Variants in SH3RF1 observed in about 807,000 individuals in gnomAD.
The protein encoded by SH3RF1 is E3 ubiquitin-protein ligase SH3RF1.
SH3RF1 carries 32 observed loss-of-function variants against 74.0 expected under a neutral mutation model. That is an observed-to-expected ratio of 0.43 (90% CI 0.33 to 0.58). SH3RF1 has a LOEUF of 0.58. Among genes scored for constraint, SH3RF1 ranks in the 20% least tolerant of loss-of-function variants. SH3RF1 has a pLI of 0.05. For synonymous variants in SH3RF1, 396 were observed against 439.6 expected, an observed-to-expected ratio of 0.90 and a Z score of 1.24; for missense variants, 954 against 1,130.9, an observed-to-expected ratio of 0.84 and a Z score of 2.24.
intron 2 of SH3RF1, among the ~76,000 whole-genome samples, chr4:169,215,414 G>T (rs1394237762): frequency 6.6e-6 from 1 of 152,100 alleles, no homozygotes; most frequent in African/African-American, 2.4e-5. Context: ...TCCTTTTCTT[G>T]TAATGTCTTT....
chr4:169,117,483 C>G (rs766278359), intron 9 of SH3RF1, 40 bp downstream of exon 9: 1 of 1,602,860 alleles, frequency 6.2e-7, no homozygotes, highest in Non-Finnish European at 8.5e-7. Flanking sequence ...GGCAGGTAAG[C>G]CCTTTATCCT....
intron 2 of SH3RF1, among the ~76,000 whole-genome samples, chr4:169,266,509 T>A (rs1310832386): frequency 6.6e-6 from 1 of 152,064 alleles, no homozygotes; most frequent in African/African-American, 2.4e-5. Context: ...TAGAAATGTA[T>A]TGACCTTTCA....
chr4:169,191,963 C>A lies in SH3RF1; in HGVS notation c.394-35284G>T, dbSNP rs534606349. Among the ~76,000 whole-genome samples, 6 of 151,982 alleles carry A rather than the reference C, an allele frequency of 3.9e-5. No homozygotes were observed. The South Asian group carries it at 8.3e-4, about 21-fold the overall frequency. ...CTTGAAGATAACACTGGAAAAAAAA[C>A]CCTTCTAGACATTGGCTTAGGCAAG... On this transcript the variant is annotated intron_variant, in intron 2 of 11. Coordinates refer to ENST00000284637, the MANE Select transcript of SH3RF1 (RefSeq NM_020870.4).
At chr4:169,181,061 C>T (rs1734502327) in intron 2 of SH3RF1, among the ~76,000 whole-genome samples, 1 of 152,074 alleles carries the variant, frequency 6.6e-6, no homozygotes, top group South Asian at 2.1e-4. Flanking sequence ...TAGCCTAACC[C>T]AGACACAGAA....
chr4:169,247,337 G>A lies in SH3RF1; in HGVS notation c.393+21483C>T, dbSNP rs577423740. 6.7e-4 allele frequency among the ~76,000 whole-genome samples: 102 copies of A among 152,342 alleles called. 1 individual carries two copies. Among genetic ancestry groups the A allele is most frequent in the African/African-American group, 2.3e-3 (96 of 41,582 alleles). On this transcript the variant is annotated intron_variant, in intron 2 of 11. Transcript: ENST00000284637. ...TCCCCCAAATAAATATTTACTGAGA[G>A]AGTGAATGGTGGACGGCATCCACAG...
rs1474587903 is a variant in SH3RF1 at position 169,186,900 on chromosome 4, G to A, written c.394-30221C>T. On this transcript the variant is annotated intron_variant, in intron 2 of 11. Transcript: ENST00000284637. ...GTGGTGGCGGGTGACTGTGGTCCCA[G>A]CTACTTGGGAGGCTGAGGCAGGAGA... 2.0e-5 allele frequency among the ~76,000 whole-genome samples: 3 copies of A among 150,744 alleles called. No homozygotes were observed. The East Asian group carries it at 5.9e-4, about 30-fold the overall frequency.
At chr4:169,129,904 A>G (rs1733584220) in intron 6 of SH3RF1, 142 bp downstream of exon 6, 3 of 687,260 alleles carry the variant, frequency 4.4e-6, no homozygotes, top group Non-Finnish European at 7.2e-6. Context: ...GTTAAGATTA[A>G]CAGAGATAAT....
At chr4:169,120,268 A>T (rs1733416108) in intron 8 of SH3RF1, among the ~76,000 whole-genome samples, 1 of 152,242 alleles carries the variant, frequency 6.6e-6, no homozygotes, top group Non-Finnish European at 1.5e-5. Context: ...ATTCATTGTC[A>T]GAATTCAGAG....
At chr4:169,123,606 T>C (rs1561029862) in intron 6 of SH3RF1, among the ~76,000 whole-genome samples, 1 of 152,184 alleles carries the variant, frequency 6.6e-6, no homozygotes, top group Non-Finnish European at 1.5e-5. Context: ...AGATTTGTTA[T>C]AGCTCGCAGG....
chr4:169,133,709 G>A (rs1429521177), intron 5 of SH3RF1, among the ~76,000 whole-genome samples: 7 of 152,038 alleles, frequency 4.6e-5, no homozygotes, highest in Non-Finnish European at 7.4e-5. Context: ...CCCAGGAGAC[G>A]GAGGTTGCAG....
At chr4:169,154,822 T>C (rs2126964223) in intron 4 of SH3RF1, among the ~76,000 whole-genome samples, 1 of 152,354 alleles carries the variant, frequency 6.6e-6, no homozygotes, top group Middle Eastern at 3.4e-3. Context: ...TGATATATGA[T>C]GTAATGAAAA....
At chr4:169,171,841 G>C (rs1028755130) in intron 2 of SH3RF1, among the ~76,000 whole-genome samples, 4 of 152,150 alleles carry the variant, frequency 2.6e-5, no homozygotes, top group Admixed American at 6.5e-5. Context: ...AAGAGATGAA[G>C]AAAATGAAAT....
In SH3RF1 at chr4:169,104,021, C is replaced by T. The variant is rs533937029; in HGVS notation, c.2498+2826G>A. Among the ~76,000 whole-genome samples the T allele has an allele frequency of 6.9e-4, 105 of 152,274 alleles. 1 individual carries two copies. In the South Asian group the frequency reaches 0.022, roughly 31 times the overall value. On this transcript the variant is annotated intron_variant, in intron 11 of 11. Coordinates refer to ENST00000284637, the MANE Select transcript of SH3RF1 (RefSeq NM_020870.4). ...CCATCACCTGTCTGAGCTAGCAATT[C>T]CTTCTTTTCAGATGAACTGAACAGC...
intron 2 of SH3RF1, among the ~76,000 whole-genome samples, chr4:169,161,710 T>C (rs1263322340): frequency 1.3e-5 from 2 of 152,200 alleles, no homozygotes; most frequent in African/African-American, 4.8e-5. Context: ...GGAACAGCTA[T>C]AAAATGTGTA....
intron 2 of SH3RF1, among the ~76,000 whole-genome samples, chr4:169,209,345 C>T (rs967411895): frequency 2.6e-5 from 4 of 151,714 alleles, no homozygotes; most frequent in Non-Finnish European, 5.9e-5. Flanking sequence ...TTTCAGCCAA[C>T]TTGTCCTTCA....
chr4:169,180,418 C>A (rs576602643), intron 2 of SH3RF1, among the ~76,000 whole-genome samples: 13 of 152,322 alleles, frequency 8.5e-5, no homozygotes, highest in South Asian at 2.1e-4. Context: ...AACACTGTAG[C>A]TTAACACACT....
intron 2 of SH3RF1, among the ~76,000 whole-genome samples, chr4:169,165,641 G>GC (rs993512818): frequency 6.6e-6 from 1 of 152,060 alleles, no homozygotes; most frequent in South Asian, 2.1e-4. Flanking sequence ...AAAAGGCGGG[G>GC]GGGGGAGTCA....
chr4:169,164,468 C>A (rs1734199710), intron 2 of SH3RF1, among the ~76,000 whole-genome samples: 1 of 152,156 alleles, frequency 6.6e-6, no homozygotes, highest in Non-Finnish European at 1.5e-5. Context: ...TGGTAGACTG[C>A]TAATCCATCT....
chr4:169,222,506 C>T (rs1730583422), intron 2 of SH3RF1, among the ~76,000 whole-genome samples: 1 of 147,304 alleles, frequency 6.8e-6, no homozygotes, highest in African/African-American at 2.5e-5. Context: ...TATTTTTATA[C>T]ATATTTATAT....
Sources: allele counts gnomAD v4.1 joint callset (sites outside exome capture counted in the v4.1 genomes callset), GRCh38; gene constraint gnomAD v4.1.1; transcripts MANE v1.5; gene names NCBI Gene and HGNC (gene_info 2026-07-23, HGNC 2026-07-21).